Variants in BABAM2 observed in about 807,000 individuals in gnomAD.
BABAM2 encodes the protein BRISC and BRCA1 A complex member 2, also known as BRISC and BRCA1-A complex member 2.
BABAM2 carries 31 observed loss-of-function variants against 54.7 expected under a neutral mutation model. That is an observed-to-expected ratio of 0.57 (90% CI 0.43 to 0.77). The LOEUF (loss-of-function observed/expected upper bound fraction) is 0.77. BABAM2 is among the 30% of genes least tolerant of loss of function. The pLI is 0.00. For synonymous variants in BABAM2, 167 were observed against 162.9 expected, an observed-to-expected ratio of 1.03 and a Z score of -0.19; for missense variants, 364 against 455.8, an observed-to-expected ratio of 0.80 and a Z score of 1.83.
At chr2:28,289,747 C>T (rs770881320) in intron 10 of BABAM2, among the ~76,000 whole-genome samples, 7 of 151,942 alleles carry the variant, frequency 4.6e-5, no homozygotes, top group African/African-American at 7.2e-5. Flanking sequence ...GCCGAGATCA[C>T]GCTACCACAC....
Position 28,118,555 on chromosome 2 carries a change from T to C in BABAM2, c.571-10716T>C, listed in dbSNP as rs187726308. On this transcript the variant is annotated intron_variant, in intron 6 of 11. Coordinates refer to ENST00000379624, the MANE Select transcript of BABAM2 (RefSeq NM_199191.3). ...GTCTGTTCATATCCTTTGCCCACTT[T>C]TTGATAGGGTTGTTTGTTTTTTTTC... is the stretch of plus-strand genomic sequence containing the variant. Among the ~76,000 whole-genome samples the C allele has an allele frequency of 1.4e-3, 216 of 152,302 alleles. 8 individuals are homozygous for C. The highest frequency in any genetic ancestry group is 0.012 in the Admixed American group (182 of 15,286).
chr2:27,920,956 T>C (rs1667302478), intron 2 of BABAM2, among the ~76,000 whole-genome samples: 1 of 152,230 alleles, frequency 6.6e-6, no homozygotes, highest in Admixed American at 6.5e-5. Context: ...TCATATAGCT[T>C]TGTTAATCTA....
chr2:28,029,859 T>G (rs1290224246), intron 5 of BABAM2, among the ~76,000 whole-genome samples: 1 of 152,228 alleles, frequency 6.6e-6, no homozygotes, highest in African/African-American at 2.4e-5. Context: ...TTTTGAAATG[T>G]TAATATGTTT....
intron 10 of BABAM2, among the ~76,000 whole-genome samples, chr2:28,275,860 T>C (rs1166183436): frequency 6.6e-6 from 1 of 152,192 alleles, no homozygotes; most frequent in East Asian, 1.9e-4. Context: ...CTGATTTTCA[T>C]GCGCTGTTAG....
intron 4 of BABAM2, among the ~76,000 whole-genome samples, chr2:27,989,665 A>G (rs2148489621): frequency 6.6e-6 from 1 of 152,278 alleles, no homozygotes; most frequent in East Asian, 1.9e-4. Context: ...AATATAATGG[A>G]ATAAGGAGAG....
chr2:27,965,238 A>T, intron 3 of BABAM2, among the ~76,000 whole-genome samples: 1 of 152,218 alleles, frequency 6.6e-6, no homozygotes, highest in East Asian at 1.9e-4. Context: ...ATGCTGAATG[A>T]AAATTATTTC....
intron 7 of BABAM2, among the ~76,000 whole-genome samples, chr2:28,164,430 CA>C (rs1203298481): frequency 6.6e-6 from 1 of 152,006 alleles, no homozygotes; most frequent in South Asian, 2.1e-4. Flanking sequence ...CACATAAGGA[CA>C]CACACAGGCC....
At chr2:28,062,050 G>C (rs1057158287) in intron 6 of BABAM2, among the ~76,000 whole-genome samples, 2 of 152,098 alleles carry the variant, frequency 1.3e-5, no homozygotes, top group Admixed American at 6.5e-5. Context: ...CTGAGGTCAG[G>C]AGTTCGAGAC....
At chr2:28,262,517 A>G (rs562247247) in intron 10 of BABAM2, among the ~76,000 whole-genome samples, 1 of 152,178 alleles carries the variant, frequency 6.6e-6, no homozygotes, top group Non-Finnish European at 1.5e-5. Context: ...TAGAACTGGA[A>G]AAACTGTGAT....
intron 4 of BABAM2, among the ~76,000 whole-genome samples, chr2:28,024,405 C>CA (rs1205500068): frequency 0.012 from 1,356 of 110,298 alleles, 12 homozygotes; most frequent in African/African-American, 0.038. Context: ...GACTCCATCT[C>CA]AAAAAAAAAA....
intron 6 of BABAM2, among the ~76,000 whole-genome samples, chr2:28,111,790 G>A (rs995730432): frequency 6.6e-5 from 10 of 152,176 alleles, no homozygotes; most frequent in African/African-American, 2.2e-4. Flanking sequence ...TGTAGCTGAT[G>A]CTGTTGCTTT....
chr2:28,336,120 T>C (rs1691441670), intron 11 of BABAM2, among the ~76,000 whole-genome samples: 1 of 152,188 alleles, frequency 6.6e-6, no homozygotes, highest in Non-Finnish European at 1.5e-5. Flanking sequence ...AGAGAATCAG[T>C]GTAGCTGCAA....
rs544660834 is a variant in BABAM2, at chr2:28,132,386, C to T, written c.680+3006C>T. Among the ~76,000 whole-genome samples the T allele has an allele frequency of 7.7e-3, 1,180 of 152,276 alleles. 17 individuals are homozygous for T. The highest frequency in any genetic ancestry group is 0.027 in the African/African-American group (1,131 of 41,550). ...AACTCCTGACCTCGTGATCCACCCA[C>T]CTCGGCCTCCCAAAGTGCTGAGATT... On this transcript the variant is annotated intron_variant, in intron 7 of 11. Coordinates refer to ENST00000379624, the MANE Select transcript of BABAM2 (RefSeq NM_199191.3).
intron 6 of BABAM2, among the ~76,000 whole-genome samples, chr2:28,117,345 G>A (rs937909459): frequency 6.6e-6 from 1 of 152,204 alleles, no homozygotes; most frequent in Admixed American, 6.5e-5. Flanking sequence ...TTGATTTACC[G>A]TGGTGTCATC....
chr2:28,322,135 C>G lies in BABAM2; in HGVS notation c.1089-16315C>G, dbSNP rs139843047. Among the ~76,000 whole-genome samples the G allele has an allele frequency of 3.5e-3, 531 of 152,160 alleles. 5 individuals carry two copies. The highest frequency in any genetic ancestry group is 4.4e-3 in the Non-Finnish European group (297 of 68,008). ...AGCCCCAGTGAAATGAACTCAGAAGCCTCCAGTGTTTATACCACTGAGACT... is the reference window on the plus strand; with the variant it reads ...AGCCCCAGTGAAATGAACTCAGAAGGCTCCAGTGTTTATACCACTGAGACT... On this transcript the variant is annotated intron_variant, in intron 11 of 11. Coordinates refer to ENST00000379624, the MANE Select transcript of BABAM2 (RefSeq NM_199191.3). The surrounding 1 kb of genome is among the most constrained non-coding windows in gnomAD (Gnocchi z 4.1).
rs548053665 is a variant in BABAM2, at chr2:28,327,520, G to C, written c.1089-10930G>C. 65 of 1,451,972 alleles carry C rather than the reference G, an allele frequency of 4.5e-5. No homozygotes were observed. In the African/African-American group the frequency reaches 9.2e-4, roughly 20 times the overall value. The allele number at this position is 1,451,972 out of a possible 1,614,324, so 89.9% of individuals were successfully genotyped here. ...CCCAATACTTTGATGTCTAGAAATG[G>C]ATCTCAGTCAGTTGTTGTTGAAGTC... On this transcript the variant is annotated intron_variant, in intron 11 of 11. Coordinates refer to ENST00000379624, the MANE Select transcript of BABAM2 (RefSeq NM_199191.3).
At chr2:28,097,690 A>G (rs189552742) in intron 6 of BABAM2, among the ~76,000 whole-genome samples, 2 of 152,316 alleles carry the variant, frequency 1.3e-5, no homozygotes, top group South Asian at 2.1e-4. Context: ...CTGTGATAAT[A>G]TTCTACTTTT....
chr2:27,975,036 C>T (rs1234522152), intron 3 of BABAM2, among the ~76,000 whole-genome samples: 1 of 151,926 alleles, frequency 6.6e-6, no homozygotes. Context: ...AAGGTATGTT[C>T]AGTATCTATA....
chr2:28,323,067 C>T (rs531604176), intron 11 of BABAM2, among the ~76,000 whole-genome samples: 4 of 152,206 alleles, frequency 2.6e-5, no homozygotes, highest in Non-Finnish European at 5.9e-5. Flanking sequence ...GAGCCCCCCA[C>T]TCTCATCCAG....
Sources: allele counts gnomAD v4.1 joint callset (sites outside exome capture counted in the v4.1 genomes callset), GRCh38; gene constraint gnomAD v4.1.1; non-coding constraint Gnocchi (gnomAD v3.1); transcripts MANE v1.5; gene names NCBI Gene and HGNC (gene_info 2026-07-23, HGNC 2026-07-21).